The following PIWIL1 variants were observed in gnomAD, a reference collection of about 807,000 sequenced individuals.
PIWIL1 encodes piwi like RNA-mediated gene silencing 1, also known as piwi-like protein 1.
Under a neutral mutation model 114.4 loss-of-function variants are expected in PIWIL1, and 73 were observed. The ratio of observed to expected loss-of-function variants is 0.64; its 90% CI spans 0.53 to 0.78. The LOEUF (loss-of-function observed/expected upper bound fraction) is 0.78, where lower values mean the gene tolerates loss of function less well. Ranked by LOEUF, PIWIL1 falls within the 30% of genes least tolerant of loss-of-function variation. The pLI, the probability that PIWIL1 is intolerant of heterozygous loss-of-function variation, is 0.00. For synonymous variants in PIWIL1, 375 were observed against 369.0 expected (o/e 1.02, Z -0.19); for missense variants, 723 against 1,063.1 (o/e 0.68, Z 4.45).
At chr12:130,386,640 AC>A in the PIWIL1 span, among the ~76,000 whole-genome samples, 1 of 72 alleles carries the variant, frequency 0.014, no homozygotes. Context: ...CATGCACACC[AC>A]CCCCTTCCTG....
Position 130,369,548 on chromosome 12 carries a change from C to A in PIWIL1, c.2322-1628C>A, listed in dbSNP as rs186807462. Among the ~76,000 whole-genome samples the A allele has an allele frequency of 2.0e-5, 3 of 152,016 alleles. No homozygotes were observed. The East Asian group carries it at 5.8e-4, about 29-fold the overall frequency. On this transcript the variant is annotated intron_variant, in intron 19 of 20. Transcript: ENST00000245255. ...AGTGTTCCTATTTCTCTCAGCCTTGCCATCTGTTGTTTCTTGACTTTTTAA... is the reference window on the plus strand; with the variant it reads ...AGTGTTCCTATTTCTCTCAGCCTTGACATCTGTTGTTTCTTGACTTTTTAA...
intron 3 of PIWIL1, 77 bp from the exon 4 acceptor site, chr12:130,345,676 A>G: frequency 1.3e-6 from 2 of 1,483,210 alleles, no homozygotes; most frequent in Non-Finnish European, 1.9e-6. Context: ...GATTACACAT[A>G]ATAGCACTAT....
chr12:130,350,771 G>A (rs938031051), intron 9 of PIWIL1, among the ~76,000 whole-genome samples: 3 of 152,150 alleles, frequency 2.0e-5, no homozygotes, highest in East Asian at 1.9e-4. Flanking sequence ...TTTCAATAGA[G>A]TATTTCCTGT....
the PIWIL1 span, chr12:130,425,231 C>G: frequency 1.7e-5 from 3 of 180,914 alleles, no homozygotes; most frequent in African/African-American, 7.0e-5. Flanking sequence ...GGAGACTGCC[C>G]GGGGGCTACA....
downstream of PIWIL1, among the ~76,000 whole-genome samples, chr12:130,375,563 C>G (rs962531719): frequency 6.6e-6 from 1 of 152,254 alleles, no homozygotes; most frequent in African/African-American, 2.4e-5. Flanking sequence ...CACACCCCAC[C>G]TGCTTGGGCA....
At position 130,369,879 on chromosome 12, in the gene PIWIL1, C is replaced by A. The variant is rs376576308; in HGVS notation, c.2322-1297C>A. ...TAGTTTCTCTTGCTGTGCAGAAATT[C>A]TTTAGTTTAATTAGATCCCATTTGT... On this transcript the variant is annotated intron_variant, in intron 19 of 20. Coordinates refer to ENST00000245255, the MANE Select transcript of PIWIL1 (RefSeq NM_004764.5). 4.6e-5 allele frequency among the ~76,000 whole-genome samples: 7 copies of A among 152,188 alleles called. No homozygotes were observed. In the East Asian group the frequency reaches 1.4e-3, roughly 29 times the overall value.
intron 18 of PIWIL1, chr12:130,366,648 G>T (rs2073667224): frequency 6.5e-6 from 1 of 152,852 alleles, no homozygotes; most frequent in East Asian, 1.9e-4. Context: ...CCTGAAAAAG[G>T]TATATGAATA....
the PIWIL1 span, chr12:130,424,250 G>C: frequency 8.1e-7 from 1 of 1,231,928 alleles, no homozygotes; most frequent in Non-Finnish European, 1.0e-6. This position sits in a 1 kb window ranked among gnomAD's most constrained non-coding sequence, Gnocchi z 9.8. Flanking sequence ...CTTGGTGCTC[G>C]GTGGGCTCGC....
chr12:130,402,820 G>A, the PIWIL1 span, among the ~76,000 whole-genome samples: 9 of 152,202 alleles, frequency 5.9e-5, no homozygotes, highest in African/African-American at 1.9e-4. Context: ...ACCTTAGTAC[G>A]CCACGTGATG....
At chr12:130,415,921 T>A in the PIWIL1 span, among the ~76,000 whole-genome samples, 13 of 151,882 alleles carry the variant, frequency 8.6e-5, no homozygotes, top group African/African-American at 3.1e-4. Context: ...TTGTTCAAGC[T>A]GAGAGCCAAA....
intron 5 of PIWIL1, 137 bp from the exon 6 acceptor site, chr12:130,346,804 C>T (rs2073081533): frequency 8.8e-6 from 10 of 1,141,200 alleles, no homozygotes; most frequent in Non-Finnish European, 1.2e-5. Flanking sequence ...CACTCTTTTT[C>T]TCAGAGCCAT....
chr12:130,406,934 C>T, the PIWIL1 span, among the ~76,000 whole-genome samples: 1 of 152,242 alleles, frequency 6.6e-6, no homozygotes, highest in African/African-American at 2.4e-5. Flanking sequence ...AGCCACCGCA[C>T]CCAGCCTAAA....
At chr12:130,407,632 A>G in the PIWIL1 span, 1 of 960,688 alleles carries the variant, frequency 1.0e-6, no homozygotes, top group Middle Eastern at 2.1e-4. Flanking sequence ...AGAAGGAATG[A>G]GGAGGTGAAC....
the PIWIL1 span, among the ~76,000 whole-genome samples, chr12:130,393,019 C>G: frequency 6.8e-6 from 1 of 146,456 alleles, no homozygotes; most frequent in Non-Finnish European, 1.5e-5. Flanking sequence ...GTTGTGATGA[C>G]CCGGTCACCG....
At chr12:130,357,650 G>T (rs1160967214) in intron 14 of PIWIL1, 97 bp downstream of exon 14, 18 of 747,424 alleles carry the variant, frequency 2.4e-5, no homozygotes, top group Admixed American at 1.3e-4. Context: ...TTTTTCAAAT[G>T]TTAATAGGTT....
At chr12:130,424,703 G>A in the PIWIL1 span, 1 of 1,232,086 alleles carries the variant, frequency 8.1e-7, no homozygotes, top group East Asian at 3.2e-5. This position sits in a 1 kb window ranked among gnomAD's most constrained non-coding sequence, Gnocchi z 9.8. Context: ...TGGCCCTGGG[G>A]GACGGCCCTG....
At chr12:130,405,898 TAAG>T in the PIWIL1 span, among the ~76,000 whole-genome samples, 1 of 152,184 alleles carries the variant, frequency 6.6e-6, no homozygotes, top group Admixed American at 6.5e-5. Context: ...ATTTAAAAAA[TAAG>T]AATATGAATG....
At chr12:130,375,923 A>G (rs2073863295), downstream of PIWIL1, among the ~76,000 whole-genome samples, 3 of 152,052 alleles carry the variant, frequency 2.0e-5, no homozygotes, top group South Asian at 6.2e-4. Flanking sequence ...CCACGATGCC[A>G]TGCTCTCTTG....
chr12:130,376,572 G>A (rs138159384), downstream of PIWIL1, among the ~76,000 whole-genome samples: 8 of 152,302 alleles, frequency 5.3e-5, no homozygotes, highest in African/African-American at 1.7e-4. Flanking sequence ...TTCCAGCTCC[G>A]TAAATCAGGA....
Sources: gnomAD v4.1 joint callset for allele counts (sites outside exome capture counted in the v4.1 genomes callset) on GRCh38, gnomAD v4.1.1 for gene constraint, Gnocchi (gnomAD v3.1) non-coding constraint, MANE v1.5 for transcripts, NCBI Gene and HGNC (gene_info 2026-07-23, HGNC 2026-07-21) for gene names.